WASHC4: variants seen among roughly 807,000 people sequenced by gnomAD.
WASHC4 encodes the protein WASH complex subunit 4.
In WASHC4, 86 loss-of-function variants were observed where a neutral mutation model predicts 166.6. The ratio of observed to expected loss-of-function variants is 0.52; its 90% CI spans 0.43 to 0.62. The LOEUF (loss-of-function observed/expected upper bound fraction) is 0.62, where lower values mean the gene tolerates loss of function less well. WASHC4 is among the 20% of genes least tolerant of loss of function. The pLI is 0.00. For missense variants in WASHC4, 1,262 were observed against 1,382.4 expected (o/e 0.91, Z 1.38); for synonymous variants, 446 against 451.6 (o/e 0.99, Z 0.16).
chr12:105,125,781 ATTAC>A (rs1472385040), intron 10 of WASHC4, among the ~76,000 whole-genome samples: 2 of 152,088 alleles, frequency 1.3e-5, no homozygotes, highest in African/African-American at 4.8e-5. Flanking sequence ...GTTCAATTTT[ATTAC>A]TTTCACATAA....
chr12:105,111,033 G>A, intron 1 of WASHC4, 92 bp from the exon 2 acceptor site: 1 of 903,344 alleles, frequency 1.1e-6, no homozygotes, highest in Non-Finnish European at 1.8e-6. Flanking sequence ...ATAATTAACA[G>A]TGCTTTGCGT....
chr12:105,114,922 C>T (rs984078640), intron 4 of WASHC4, among the ~76,000 whole-genome samples: 1 of 151,868 alleles, frequency 6.6e-6, no homozygotes, highest in Non-Finnish European at 1.5e-5. Context: ...TTCCCATAAA[C>T]TAATGGGAGG....
chr12:105,122,100 C>G lies in WASHC4; in HGVS notation c.666-18C>G. ...TTTATTAGGTAGATTTAAGATGTTT[C>G]TCTTAATTTTCCTCAAGGTTACTGA... is the stretch of plus-strand genomic sequence containing the variant. On this transcript the variant is annotated intron_variant, in intron 9 of 32. Transcript: ENST00000332180. 6.4e-7 allele frequency: 1 copy of G among 1,561,608 alleles called. No individual in the cohort carries two copies. Among genetic ancestry groups the G allele is most frequent in the Non-Finnish European group, 8.8e-7 (1 of 1,135,282 alleles).
chr12:105,144,654 C>G, intron 21 of WASHC4, 64 bp from the exon 22 acceptor site: 1 of 1,457,686 alleles, frequency 6.9e-7, no homozygotes, highest in Non-Finnish European at 9.5e-7. Flanking sequence ...TTGTTTTTTC[C>G]TTTTAGGTTT....
intron 5 of WASHC4, 124 bp from the exon 6 acceptor site, chr12:105,115,537 G>GT: frequency 1.4e-6 from 1 of 713,726 alleles, no homozygotes; most frequent in Admixed American, 2.4e-5. Flanking sequence ...TAAAAATTCT[G>GT]TTTTCAATAC....
chr12:105,123,184 AGC>A (rs1180558116), intron 10 of WASHC4, among the ~76,000 whole-genome samples: 1 of 152,132 alleles, frequency 6.6e-6, no homozygotes, highest in Non-Finnish European at 1.5e-5. Flanking sequence ...TGTTAGGGCA[AGC>A]GCTTGTAATC....
At chr12:105,165,970 A>G (rs1884785792) in intron 32 of WASHC4, among the ~76,000 whole-genome samples, 1 of 152,192 alleles carries the variant, frequency 6.6e-6, no homozygotes, top group Non-Finnish European at 1.5e-5. Flanking sequence ...AAACTCAGTT[A>G]TTGCCTCAGT....
At position 105,122,220 on chromosome 12, in the gene WASHC4, G is replaced by A; in HGVS notation, c.768G>A (p.Leu256=). 2.5e-6 allele frequency: 4 copies of A among 1,612,620 alleles called. No homozygotes were observed. The highest frequency in any genetic ancestry group is 2.5e-6 in the Non-Finnish European group (3 of 1,179,526). The change falls in exon 10 of 33, where the codon CTG becomes CTA. Residue 256 remains leucine (L), a synonymous_variant. Transcript: ENST00000332180. ...KFLLKLEGQL[L]DGMIFQACIE... ...TGCTGAAGCTAGAAGGGCAATTACT[G>A]GATGGAATGATATTCCAGGTAAGTA...
At chr12:105,141,274 A>G (rs1157780052) in intron 18 of WASHC4, 28 bp downstream of exon 18, 3 of 1,374,088 alleles carry the variant, frequency 2.2e-6, no homozygotes, top group Non-Finnish European at 3.1e-6. Context: ...ATGCTGTGGT[A>G]CTCCAAAGAC....
At chr12:105,163,158 C>T (rs1884608024) in intron 30 of WASHC4, among the ~76,000 whole-genome samples, 1 of 151,966 alleles carries the variant, frequency 6.6e-6, no homozygotes, top group South Asian at 2.1e-4. Flanking sequence ...CGGGGTTTCA[C>T]TGTGTTAGCC....
chr12:105,110,163 C>T (rs1213333334), intron 1 of WASHC4, among the ~76,000 whole-genome samples: 1 of 152,072 alleles, frequency 6.6e-6, no homozygotes, highest in African/African-American at 2.4e-5. Flanking sequence ...ATGGATTCAC[C>T]GGATTTAAAA....
Position 105,162,686 on chromosome 12 carries a change from A to G in WASHC4, c.3061-63A>G, listed in dbSNP as rs1399322033. 2.0e-5 allele frequency: 16 copies of G among 809,512 alleles called. No homozygotes were observed. In the East Asian group the frequency reaches 3.7e-4, roughly 19 times the overall value. The allele number at this position is 809,512 out of a possible 1,614,324, so 50.1% of individuals were successfully genotyped here. A position where few individuals can be genotyped will look rare whatever the true frequency, so the allele number is the denominator to read the frequency against. Reference sequence around the variant, plus strand: ...ATTTATAATTTTTAAAATGTCTGTTATAGGAATTCTGAAGATTTTCTTAGC... The same window carrying G: ...ATTTATAATTTTTAAAATGTCTGTTGTAGGAATTCTGAAGATTTTCTTAGC... On this transcript the variant is annotated intron_variant, in intron 29 of 32. Coordinates refer to ENST00000332180, the MANE Select transcript of WASHC4 (RefSeq NM_015275.3).
chr12:105,145,945 T>A (rs1883257112), intron 22 of WASHC4, among the ~76,000 whole-genome samples: 1 of 152,168 alleles, frequency 6.6e-6, no homozygotes, highest in Admixed American at 6.5e-5. Flanking sequence ...GCTGCCTAGC[T>A]ATTTTGCCTC....
chr12:105,127,195 C>A lies in WASHC4; in HGVS notation c.1105C>A (p.Pro369Thr), dbSNP rs371244423. 4.3e-5 allele frequency: 70 copies of A among 1,611,246 alleles called. No homozygotes were observed. Among genetic ancestry groups the A allele is most frequent in the Non-Finnish European group, 5.9e-5 (69 of 1,177,698 alleles). Reference protein sequence around the residue: ...FPDNFLIQKIPAAAKLLDRKS... With the variant: ...FPDNFLIQKITAAAKLLDRKS... ...TGATAATTTTCTGATCCAGAAAATA[C>A]CAGCAGCTGCCAAACTGCTAGACAG... Residue 369 changes from proline to threonine, a missense_variant, in exon 13 of 33, where the codon CCA (proline) becomes ACA (threonine). Pro to Thr is a conservative substitution (Grantham distance 38, BLOSUM62 -1). Coordinates refer to ENST00000332180, the MANE Select transcript of WASHC4 (RefSeq NM_015275.3).
chr12:105,129,441 G>A (rs1881595987), intron 13 of WASHC4, among the ~76,000 whole-genome samples: 1 of 152,108 alleles, frequency 6.6e-6, no homozygotes, highest in Non-Finnish European at 1.5e-5. Flanking sequence ...GGATACAAGT[G>A]CAGGTTTGTT....
intron 14 of WASHC4, among the ~76,000 whole-genome samples, chr12:105,136,362 A>G (rs1882317785): frequency 1.3e-5 from 2 of 151,876 alleles, no homozygotes; most frequent in South Asian, 4.2e-4. Context: ...TTGGCCTTAT[A>G]TTTCCTTATT....
chr12:105,155,302 CA>C (rs1482098140), intron 26 of WASHC4: 2 of 152,378 alleles, frequency 1.3e-5, no homozygotes, highest in African/African-American at 2.4e-5. Context: ...GACATTTGAG[CA>C]GGGACCTAAA....
intron 14 of WASHC4, 126 bp from the exon 15 acceptor site, chr12:105,137,760 C>G: frequency 2.7e-6 from 2 of 740,682 alleles, no homozygotes; most frequent in Non-Finnish European, 4.4e-6. Flanking sequence ...ATCTTAAGAG[C>G]TGGCTTTAAG....
intron 24 of WASHC4, chr12:105,148,409 G>T (rs2135811762): frequency 1.0e-6 from 1 of 985,406 alleles, no homozygotes; most frequent in South Asian, 4.7e-5. Flanking sequence ...CTGGGCACTA[G>T]TGTGAGAAAA....
Sources: gnomAD v4.1 joint callset for allele counts (sites outside exome capture counted in the v4.1 genomes callset) on GRCh38, gnomAD v4.1.1 for gene constraint, MANE v1.5 for transcripts, NCBI Gene and HGNC (gene_info 2026-07-23, HGNC 2026-07-21) for gene names.